Variants in WDR37 observed in about 807,000 individuals in gnomAD.
WDR37 encodes the protein WD repeat-containing protein 37.
WDR37 carries 19 observed loss-of-function variants against 62.9 expected under a neutral mutation model. That is an observed-to-expected ratio of 0.30 (90% CI 0.21 to 0.44). The LOEUF is 0.44. WDR37 is among the 20% of genes least tolerant of loss of function. The pLI is 1.00. For synonymous variants in WDR37, 250 were observed against 260.9 expected (o/e 0.96, Z 0.40); for missense variants, 474 against 657.6 (o/e 0.72, Z 3.05).
chr10:1,071,047 G>T (rs112992143), intron 1 of WDR37, among the ~76,000 whole-genome samples: 1 of 152,198 alleles, frequency 6.6e-6, no homozygotes, highest in Admixed American at 6.5e-5. Context: ...AGTCACCATT[G>T]TAACTGTCTA....
intron 7 of WDR37, among the ~76,000 whole-genome samples, chr10:1,089,466 T>C (rs115601027): frequency 1.3e-5 from 2 of 152,140 alleles, no homozygotes; most frequent in African/African-American, 4.8e-5. Flanking sequence ...TTATAATTAA[T>C]TCCACTAGGG....
At chr10:1,102,972 G>C (rs1447487660) in intron 9 of WDR37, among the ~76,000 whole-genome samples, 1 of 152,146 alleles carries the variant, frequency 6.6e-6, no homozygotes, top group Non-Finnish European at 1.5e-5. Context: ...GTCCTCTTCT[G>C]CATTGTGTAA....
At chr10:1,112,317 T>C (rs1020061101) in intron 11 of WDR37, among the ~76,000 whole-genome samples, 4 of 152,238 alleles carry the variant, frequency 2.6e-5, no homozygotes. Flanking sequence ...ACCTTGCCCA[T>C]AGAAGACAGT....
chr10:1,097,505 C>G lies in WDR37; in HGVS notation c.726+1259C>G, dbSNP rs147730983. Among the ~76,000 whole-genome samples the G allele has an allele frequency of 1.3e-3, 191 of 152,316 alleles. 1 individual carries two copies. Among genetic ancestry groups the G allele is most frequent in the African/African-American group, 4.1e-3 (170 of 41,548 alleles). On this transcript the variant is annotated intron_variant, in intron 9 of 13. Transcript: ENST00000263150. ...AGGGAAGAATGCCCCGAAGGTGATT[C>G]TGAGGTTGGCAGGGCTGCAGCTCTC...
At chr10:1,084,288 T>C (rs1834125376) in intron 5 of WDR37, 115 bp from the exon 6 acceptor site, 17 of 1,329,000 alleles carry the variant, frequency 1.3e-5, no homozygotes, top group Non-Finnish European at 1.7e-5. Context: ...ATGCTTTAAC[T>C]GTCCTAGTCA....
At chr10:1,069,389 A>ATATATATT in intron 1 of WDR37, among the ~76,000 whole-genome samples, 3 of 95,806 alleles carry the variant, frequency 3.1e-5, no homozygotes, top group African/African-American at 9.4e-5. Context: ...ATATATATAT[A>ATATATATT]TTTTTTTTTT....
At chr10:1,095,971 A>T (rs1834560572) in intron 8 of WDR37, among the ~76,000 whole-genome samples, 199 bp from the exon 9 acceptor site, 1 of 152,196 alleles carries the variant, frequency 6.6e-6, no homozygotes, top group Admixed American at 6.5e-5. Flanking sequence ...TTATTTCCTC[A>T]ATTTTGGACA....
At chr10:1,123,710 T>G (rs1251830370) in intron 11 of WDR37, 1 of 152,824 alleles carries the variant, frequency 6.5e-6, no homozygotes, top group African/African-American at 2.4e-5. Flanking sequence ...TGGGAAAATG[T>G]TGATCCAAGT....
intron 13 of WDR37, among the ~76,000 whole-genome samples, chr10:1,126,284 T>A (rs1172690684): frequency 4.0e-5 from 6 of 151,558 alleles, no homozygotes; most frequent in Admixed American, 1.3e-4. Context: ...CGGGCGTCTG[T>A]AGTCCCAGCT....
At chr10:1,096,372 C>A (rs1834576768) in intron 9 of WDR37, 126 bp downstream of exon 9, 2 of 1,010,144 alleles carry the variant, frequency 2.0e-6, no homozygotes, top group African/African-American at 3.2e-5. Flanking sequence ...AAGGCCTCAC[C>A]CCCGGTATGG....
chr10:1,080,775 G>A (rs1415236347), intron 5 of WDR37, among the ~76,000 whole-genome samples: 3 of 151,792 alleles, frequency 2.0e-5, no homozygotes, highest in East Asian at 1.9e-4. Flanking sequence ...GTGTGGTGGC[G>A]GGTGCCTGTA....
intron 5 of WDR37, among the ~76,000 whole-genome samples, chr10:1,081,751 T>G (rs1834036964): frequency 6.6e-6 from 1 of 152,208 alleles, no homozygotes; most frequent in African/African-American, 2.4e-5. Context: ...TGAAATTATG[T>G]TCTTCCTCAT....
chr10:1,091,759 T>C (rs1441289631), intron 7 of WDR37, among the ~76,000 whole-genome samples: 2 of 152,238 alleles, frequency 1.3e-5, no homozygotes, highest in African/African-American at 4.8e-5. Flanking sequence ...GGAGCCGGGC[T>C]CTGTGTTCAA....
In WDR37 at chr10:1,124,732, C is replaced by T. The variant is rs527390139; in HGVS notation, c.1239-178C>T. The stretch of plus-strand genomic sequence containing the variant: ...GCATGGGGTCTGTGTGATCTTGTAG[C>T]TACGTGTGAGTAACTTGGTCTCTTT... On this transcript the variant is annotated intron_variant, in intron 12 of 13. Transcript: ENST00000263150. 2.6e-5 allele frequency among the ~76,000 whole-genome samples: 4 copies of T among 151,890 alleles called. No individual in the cohort carries two copies. The South Asian group carries it at 8.3e-4, about 32-fold the overall frequency.
At chr10:1,074,350 A>G (rs182465881) in intron 2 of WDR37, 82 of 1,251,434 alleles carry the variant, frequency 6.6e-5, no homozygotes, top group Non-Finnish European at 7.8e-5. Flanking sequence ...CGGTGACTGC[A>G]TCTCATGGTA....
intron 1 of WDR37, among the ~76,000 whole-genome samples, chr10:1,069,389 A>ATATATATATATATATAT: frequency 3.1e-5 from 3 of 95,804 alleles, no homozygotes; most frequent in South Asian, 3.7e-4. Context: ...ATATATATAT[A>ATATATATATATATATAT]TTTTTTTTTT....
chr10:1,066,330 A>C (rs775939830), intron 1 of WDR37, among the ~76,000 whole-genome samples: 2 of 152,186 alleles, frequency 1.3e-5, no homozygotes, highest in Admixed American at 6.5e-5. Context: ...GTTAGCTAGG[A>C]TGGTCTCGAA....
rs374791795 is a variant in WDR37, at chr10:1,070,336, G to GT, written c.-40-1776dup. ...TAAATAATAGGCAAACTGTCTTCCA[G>GT]TTTTCTAACATTTTTGGGTTATGCT... On this transcript the variant is annotated intron_variant, in intron 1 of 13. Transcript: ENST00000263150. 4.5e-3 allele frequency among the ~76,000 whole-genome samples: 682 copies of GT among 152,114 alleles called. 7 individuals are homozygous for GT. Among genetic ancestry groups the GT allele is most frequent in the African/African-American group, 0.015 (642 of 41,492 alleles).
chr10:1,093,602 T>G, intron 8 of WDR37, 106 bp downstream of exon 8: 1 of 965,960 alleles, frequency 1.0e-6, no homozygotes, highest in Non-Finnish European at 1.5e-6. Context: ...TTTATGAAAG[T>G]TAATCTTTAG....
Sources: allele counts gnomAD v4.1 joint callset (sites outside exome capture counted in the v4.1 genomes callset), GRCh38; gene constraint gnomAD v4.1.1; transcripts MANE v1.5; gene names NCBI Gene and HGNC (gene_info 2026-07-23, HGNC 2026-07-21).